Variants in ANKS1B observed in about 807,000 individuals in gnomAD.
ANKS1B encodes ankyrin repeat and sterile alpha motif domain containing 1B.
A neutral mutation model predicts 148.3 loss-of-function variants in ANKS1B; 36 were observed. The observed-to-expected ratio is 0.24, with a 90% confidence interval of 0.19 to 0.32. ANKS1B has a LOEUF of 0.32. Among genes scored for constraint, ANKS1B ranks in the 10% least tolerant of loss-of-function variants. The pLI, the probability that ANKS1B is intolerant of heterozygous loss-of-function variation, is 1.00. For synonymous variants in ANKS1B, 542 were observed against 560.8 expected (o/e 0.97, Z 0.47); for missense variants, 1,157 against 1,542.6 (o/e 0.75, Z 4.19).
intron 17 of ANKS1B, among the ~76,000 whole-genome samples, chr12:99,048,268 A>G (rs186072574): frequency 6.6e-6 from 1 of 152,348 alleles, no homozygotes; most frequent in East Asian, 1.9e-4. Context: ...TTTCTGGGTA[A>G]TTAGAACACA....
At chr12:99,400,669 C>T (rs1196071013) in intron 11 of ANKS1B, among the ~76,000 whole-genome samples, 1 of 144,564 alleles carries the variant, frequency 6.9e-6, no homozygotes, top group African/African-American at 2.6e-5. Flanking sequence ...TCAACTCTAC[C>T]TTTCTTACTT....
chr12:99,751,500 A>G (rs2061102232), intron 8 of ANKS1B, among the ~76,000 whole-genome samples: 1 of 152,066 alleles, frequency 6.6e-6, no homozygotes, highest in Non-Finnish European at 1.5e-5. Flanking sequence ...GAAAACAAAA[A>G]AGAACTACCC....
intron 17 of ANKS1B, among the ~76,000 whole-genome samples, chr12:98,839,918 CT>C (rs2099396166): frequency 6.6e-6 from 1 of 152,152 alleles, no homozygotes; most frequent in Admixed American, 6.6e-5. Flanking sequence ...GTATAGCTAA[CT>C]CTCTTTTTTT....
At chr12:98,757,055 A>G (rs978015515) in intron 25 of ANKS1B, among the ~76,000 whole-genome samples, 2 of 123,398 alleles carry the variant, frequency 1.6e-5, no homozygotes, top group African/African-American at 3.0e-5. Flanking sequence ...AAAAAAAGGA[A>G]AAAAAAAAAA....
intron 17 of ANKS1B, among the ~76,000 whole-genome samples, chr12:98,833,363 A>C (rs2099339509): frequency 6.6e-6 from 1 of 152,164 alleles, no homozygotes; most frequent in South Asian, 2.1e-4. Flanking sequence ...CATTTCTCCA[A>C]ATGTTACCAG....
intron 17 of ANKS1B, among the ~76,000 whole-genome samples, chr12:98,853,177 A>C (rs868690844): frequency 6.6e-6 from 1 of 152,152 alleles, no homozygotes; most frequent in African/African-American, 2.4e-5. Flanking sequence ...TCTTCCTAAA[A>C]TATGAAAACC....
At chr12:99,065,081 C>A (rs2043662965) in intron 16 of ANKS1B, among the ~76,000 whole-genome samples, 3 of 152,114 alleles carry the variant, frequency 2.0e-5, no homozygotes, top group African/African-American at 4.8e-5. Context: ...CACTAGCATT[C>A]ACATTTCCAA....
intron 14 of ANKS1B, among the ~76,000 whole-genome samples, chr12:99,193,645 A>G (rs1432207934): frequency 6.6e-6 from 1 of 152,016 alleles, no homozygotes; most frequent in Non-Finnish European, 1.5e-5. Context: ...ATGGGTGAGG[A>G]AAAGATACTT....
chr12:99,835,368 G>T (rs2084683662), intron 1 of ANKS1B, among the ~76,000 whole-genome samples: 1 of 151,974 alleles, frequency 6.6e-6, no homozygotes. Flanking sequence ...GGTGGAGGTT[G>T]CAGTGAGCTG....
intron 17 of ANKS1B, among the ~76,000 whole-genome samples, chr12:98,898,284 T>C (rs1291656240): frequency 6.6e-6 from 1 of 152,228 alleles, no homozygotes; most frequent in East Asian, 1.9e-4. Flanking sequence ...TAATGAAATT[T>C]GGTGATATTC....
chr12:99,325,141 G>A (rs2086068408), intron 12 of ANKS1B, among the ~76,000 whole-genome samples: 1 of 151,986 alleles, frequency 6.6e-6, no homozygotes, highest in African/African-American at 2.4e-5. Flanking sequence ...CATAGAAAAT[G>A]CATATTATGA....
At chr12:99,938,953 A>G (rs916141260) in intron 1 of ANKS1B, among the ~76,000 whole-genome samples, 1 of 152,166 alleles carries the variant, frequency 6.6e-6, no homozygotes, top group Non-Finnish European at 1.5e-5. Context: ...ATTCCCACTT[A>G]ATCCAAAAAA....
In ANKS1B at chr12:99,179,857, A is replaced by G. The variant is rs183089235; in HGVS notation, c.2420-25462T>C. ...TTACTATTATAATATCACTGTGACTATTGTTATTTATTATTAGTATCATCA... is the reference window on the plus strand; with the variant it reads ...TTACTATTATAATATCACTGTGACTGTTGTTATTTATTATTAGTATCATCA... On this transcript the variant is annotated intron_variant, in intron 14 of 26. Coordinates refer to ENST00000683438, the MANE Select transcript of ANKS1B (RefSeq NM_001352186.2). Among the ~76,000 whole-genome samples the G allele has an allele frequency of 6.7e-4, 102 of 152,260 alleles. 1 individual carries two copies. Among genetic ancestry groups the G allele is most frequent in the Admixed American group, 5.7e-3 (87 of 15,286 alleles).
Position 98,775,240 on chromosome 12 carries a change from G to A in ANKS1B, c.3442-2061C>T, listed in dbSNP as rs138620080. Among the ~76,000 whole-genome samples, 294 of 152,206 alleles carry A rather than the reference G, an allele frequency of 1.9e-3. 1 individual carries two copies. Among genetic ancestry groups the A allele is most frequent in the African/African-American group, 6.7e-3 (278 of 41,552 alleles). On this transcript the variant is annotated intron_variant, in intron 24 of 26. Transcript: ENST00000683438. ...ATCTCAAGGTAGATGCACTTCTTGG[G>A]AAATGAAAAGTGCTCTGTGATTTTT... is the stretch of plus-strand genomic sequence containing the variant.
At chr12:99,429,667 T>C (rs993289650) in intron 11 of ANKS1B, among the ~76,000 whole-genome samples, 3 of 152,294 alleles carry the variant, frequency 2.0e-5, no homozygotes, top group Middle Eastern at 3.4e-3. Context: ...TCCTTGTTTG[T>C]AAGAAATAAC....
chr12:99,678,629 C>G (rs2098596074), intron 8 of ANKS1B, among the ~76,000 whole-genome samples: 1 of 152,090 alleles, frequency 6.6e-6, no homozygotes, highest in South Asian at 2.1e-4. Context: ...ACAATCCATC[C>G]CTGATTGCAC....
intron 12 of ANKS1B, among the ~76,000 whole-genome samples, chr12:99,320,479 C>T (rs927001897): frequency 3.9e-5 from 6 of 152,104 alleles, no homozygotes; most frequent in African/African-American, 1.2e-4. Context: ...TCCACTTGAT[C>T]GAATCGGCTA....
In ANKS1B at chr12:99,559,080, C is replaced by T. The variant is rs889594307; in HGVS notation, c.1273-54439G>A. 3.3e-5 allele frequency among the ~76,000 whole-genome samples: 5 copies of T among 152,282 alleles called. 1 individual carries two copies. The highest frequency in any genetic ancestry group is 3.9e-4 in the East Asian group (2 of 5,168). On this transcript the variant is annotated intron_variant, in intron 9 of 26. Coordinates refer to ENST00000683438, the MANE Select transcript of ANKS1B (RefSeq NM_001352186.2). ...CCGAAACCCTGCGCACCGTTCCCAGCTTCCTCCCGCTTCAGCCCAGCAACT... is the reference window on the plus strand; with the variant it reads ...CCGAAACCCTGCGCACCGTTCCCAGTTTCCTCCCGCTTCAGCCCAGCAACT...
chr12:99,858,851 T>C (rs1376420139), intron 1 of ANKS1B, among the ~76,000 whole-genome samples: 3 of 151,592 alleles, frequency 2.0e-5, no homozygotes, highest in African/African-American at 7.3e-5. Context: ...CTAAGAATGA[T>C]ACAATGGACT....
Sources: gnomAD v4.1 joint callset for allele counts (sites outside exome capture counted in the v4.1 genomes callset) on GRCh38, gnomAD v4.1.1 for gene constraint, MANE v1.5 for transcripts, NCBI Gene and HGNC (gene_info 2026-07-23, HGNC 2026-07-21) for gene names.